PLCB1: variants seen among roughly 807,000 people sequenced by gnomAD.
The protein encoded by PLCB1 is 1-phosphatidylinositol 4,5-bisphosphate phosphodiesterase beta-1.
Under a neutral mutation model 161.8 loss-of-function variants are expected in PLCB1, and 46 were observed. The ratio of observed to expected loss-of-function variants is 0.28; its 90% CI spans 0.22 to 0.36. PLCB1 has a LOEUF of 0.36. Ranked by LOEUF, PLCB1 falls within the 10% of genes least tolerant of loss-of-function variation. The pLI is 1.00. For missense variants in PLCB1, 1,016 were observed against 1,472.5 expected (o/e 0.69, Z 5.07); for synonymous variants, 517 against 503.7 (o/e 1.03, Z -0.35).
At chr20:8,833,255 G>A (rs1986101002) in intron 31 of PLCB1, among the ~76,000 whole-genome samples, 1 of 152,196 alleles carries the variant, frequency 6.6e-6, no homozygotes, top group African/African-American at 2.4e-5. Flanking sequence ...AATCATGGCG[G>A]AAGGCAAAGG....
At position 8,774,601 on chromosome 20, in the gene PLCB1, A is replaced by C. The variant is rs1982854841; in HGVS notation, c.2993A>C (p.Asp998Ala). The C allele has an allele frequency of 6.2e-7, 1 of 1,613,880 alleles. No homozygotes were observed. Among genetic ancestry groups the C allele is most frequent in the African/African-American group, 1.3e-5 (1 of 74,928 alleles). The stretch of plus-strand genomic sequence containing the variant: ...ATTGAGCAAGACCTCGCTGCTCTGG[A>C]TGCTGAAATGACCCAAAAGTTAATA... ...STIEQDLAAL[D>A]AEMTQKLIDL... The change falls in exon 27 of 32, where the codon GAT becomes GCT. Residue 998 changes from aspartate to alanine, a missense_variant. Around this residue, in one of 10 missense-constraint regions of PLCB1, gnomAD observed 398 missense variants for 445.4 expected, o/e 0.89. Transcript: ENST00000338037.
intron 2 of PLCB1, among the ~76,000 whole-genome samples, chr20:8,277,632 T>C (rs553097277): frequency 6.6e-6 from 1 of 152,272 alleles, no homozygotes; most frequent in East Asian, 1.9e-4. Context: ...TTACTGAGAT[T>C]CCCCAGAAAT....
chr20:8,526,598 G>A (rs1021987180), intron 3 of PLCB1, among the ~76,000 whole-genome samples: 3 of 151,982 alleles, frequency 2.0e-5, no homozygotes, highest in African/African-American at 7.2e-5. Flanking sequence ...CCTCCAATAT[G>A]GTAAAATATT....
At chr20:8,443,455 T>C (rs140968580) in intron 3 of PLCB1, among the ~76,000 whole-genome samples, 1 of 152,344 alleles carries the variant, frequency 6.6e-6, no homozygotes, top group Non-Finnish European at 1.5e-5. Context: ...TAAAAATAAC[T>C]TTTACCAGTG....
chr20:8,345,491 T>C (rs1985970419), intron 2 of PLCB1, among the ~76,000 whole-genome samples: 1 of 152,140 alleles, frequency 6.6e-6, no homozygotes, highest in Admixed American at 6.6e-5. Flanking sequence ...AAGCCTTGAG[T>C]AGCAAATGAT....
In PLCB1 at chr20:8,832,571, C is replaced by T. The variant is rs77814288; in HGVS notation, c.3423+42310C>T. Reference sequence around the variant, plus strand: ...TGATAACATTTTAAAAATTTGAGTGCGAAGTGCAATGTATTGCCTTTCCAT... The same window carrying T: ...TGATAACATTTTAAAAATTTGAGTGTGAAGTGCAATGTATTGCCTTTCCAT... On this transcript the variant is annotated intron_variant, in intron 31 of 31. Transcript: ENST00000338037. 5.2e-4 allele frequency among the ~76,000 whole-genome samples: 79 copies of T among 152,194 alleles called. 1 individual carries two copies. The highest frequency in any genetic ancestry group is 1.0e-3 in the African/African-American group (43 of 41,520).
intron 2 of PLCB1, among the ~76,000 whole-genome samples, chr20:8,256,236 C>G (rs897378101): frequency 1.3e-5 from 2 of 152,116 alleles, no homozygotes; most frequent in African/African-American, 4.8e-5. Context: ...GTAACTTCAA[C>G]AACAACCATT....
intron 3 of PLCB1, among the ~76,000 whole-genome samples, chr20:8,534,344 C>A (rs965105942): frequency 3.9e-5 from 6 of 152,204 alleles, no homozygotes; most frequent in South Asian, 4.1e-4. Context: ...GCCCCCGGCC[C>A]TTGTGACAGA....
intron 3 of PLCB1, among the ~76,000 whole-genome samples, chr20:8,560,509 A>G (rs932898197): frequency 1.3e-5 from 2 of 152,008 alleles, no homozygotes; most frequent in Admixed American, 6.6e-5. Context: ...ATGCAATCAG[A>G]ATCTCTGAGA....
chr20:8,838,645 A>C (rs1384656876), intron 31 of PLCB1, among the ~76,000 whole-genome samples: 2 of 152,234 alleles, frequency 1.3e-5, no homozygotes, highest in African/African-American at 4.8e-5. Flanking sequence ...GAAATTCGTA[A>C]ACGAAAAGCA....
chr20:8,144,681 A>C (rs2051436457), intron 1 of PLCB1, among the ~76,000 whole-genome samples: 1 of 152,196 alleles, frequency 6.6e-6, no homozygotes, highest in African/African-American at 2.4e-5. Context: ...GTTTAGTTTG[A>C]CAAGCATCAC....
chr20:8,791,141 G>T (rs1983738647), intron 31 of PLCB1, among the ~76,000 whole-genome samples: 1 of 151,688 alleles, frequency 6.6e-6, no homozygotes, highest in African/African-American at 2.4e-5. Flanking sequence ...GGTTCTTTGT[G>T]CTCTTATGCT....
At chr20:8,630,008 TTC>T (rs370681184) in intron 4 of PLCB1, among the ~76,000 whole-genome samples, 9,299 of 99,166 alleles carry the variant, frequency 0.094, 501 homozygotes, top group African/African-American at 0.19. Context: ...CTTTCTTTCT[TTC>T]TCTTTCTTCT....
chr20:8,700,450 G>C (rs752429346), intron 11 of PLCB1, among the ~76,000 whole-genome samples: 2 of 152,192 alleles, frequency 1.3e-5, no homozygotes, highest in Non-Finnish European at 2.9e-5. Context: ...TTGTGCACTC[G>C]ATCATAGAAG....
intron 23 of PLCB1, chr20:8,752,379 G>C (rs753508933): frequency 6.6e-6 from 1 of 152,160 alleles, no homozygotes; most frequent in Non-Finnish European, 1.5e-5. Context: ...TTATGGTACT[G>C]TGCGTGTTGC....
intron 3 of PLCB1, among the ~76,000 whole-genome samples, chr20:8,617,821 C>T (rs1159693938): frequency 1.3e-5 from 2 of 151,792 alleles, no homozygotes; most frequent in Admixed American, 6.6e-5. Flanking sequence ...GGGTGGGACT[C>T]GTTTGAGAAA....
intron 3 of PLCB1, among the ~76,000 whole-genome samples, chr20:8,376,670 T>G (rs543327235): frequency 2.0e-4 from 30 of 152,330 alleles, no homozygotes; most frequent in African/African-American, 6.3e-4. Context: ...GGCTCACGCC[T>G]GTAATCCCAG....
At chr20:8,490,302 G>T (rs1982892457) in intron 3 of PLCB1, among the ~76,000 whole-genome samples, 1 of 152,170 alleles carries the variant, frequency 6.6e-6, no homozygotes, top group Non-Finnish European at 1.5e-5. Context: ...TCCAGAATCT[G>T]GAGTGCAGAG....
intron 2 of PLCB1, among the ~76,000 whole-genome samples, chr20:8,237,316 A>AT (rs1250417482): frequency 1.4e-4 from 22 of 152,072 alleles, no homozygotes; most frequent in African/African-American, 5.1e-4. Context: ...AATAATATAT[A>AT]AATATGTTCA....
Sources: allele counts gnomAD v4.1 joint callset (sites outside exome capture counted in the v4.1 genomes callset), GRCh38; gene constraint gnomAD v4.1.1; regional missense constraint gnomAD v4.1.1; transcripts MANE v1.5; gene names NCBI Gene and HGNC (gene_info 2026-07-23, HGNC 2026-07-21).